The following APOL4 variants were observed in gnomAD, a reference collection of about 807,000 sequenced individuals.
APOL4 encodes the protein apolipoprotein L, 4.
APOL4 carries 14 observed loss-of-function variants against 12.1 expected under a neutral mutation model. The ratio of observed to expected loss-of-function variants is 1.16; its 90% CI spans 0.76 to 1.81. APOL4 has a LOEUF of 1.81. Among genes scored for constraint, APOL4 ranks in the 40% most tolerant of loss-of-function variants. The pLI is 0.00. For missense variants in APOL4, 432 were observed against 423.1 expected (o/e 1.02, Z -0.18); for synonymous variants, 171 against 160.6 (o/e 1.06, Z -0.49).
chr22:36,197,812 G>T (rs1199813159), intron 2 of APOL4: 6 of 1,549,480 alleles, frequency 3.9e-6, no homozygotes, highest in South Asian at 1.2e-5. Context: ...GACAGGGGGA[G>T]GGGATGGGCC....
chr22:36,203,633 C>A (rs1024747579), upstream of APOL4, among the ~76,000 whole-genome samples: 5 of 152,136 alleles, frequency 3.3e-5, no homozygotes, highest in African/African-American at 9.7e-5. Context: ...GCTAGATAAC[C>A]GGTTAGACTA....
At position 36,195,512 on chromosome 22, in the gene APOL4, C is replaced by T. The variant is rs752886330; in HGVS notation, c.83-75G>A. On this transcript the variant is annotated intron_variant, in intron 2 of 3. Coordinates refer to ENST00000683024, the MANE Select transcript of APOL4 (RefSeq NM_001386885.1). ...AAATGGCATTGAGTATAAGGTGGTTCGGTGTTAATCCTCCTGAACCAGCTG... is the reference window on the plus strand; with the variant it reads ...AAATGGCATTGAGTATAAGGTGGTTTGGTGTTAATCCTCCTGAACCAGCTG... 91 of 1,527,354 alleles carry T rather than the reference C, an allele frequency of 6.0e-5. No homozygotes were observed. In the African/African-American group the frequency reaches 8.7e-4, roughly 15 times the overall value. 94.6% of individuals were successfully genotyped at this position (1,527,354 alleles called of 1,614,324 possible).
rs1378984372 is a variant in APOL4, at chr22:36,191,076, T to C, written c.1046A>G (p.Ter349TrpextTer33). 6.3e-7 allele frequency: 1 copy of C among 1,593,308 alleles called. No individual in the cohort carries two copies. Among genetic ancestry groups the C allele is most frequent in the South Asian group, 1.1e-5 (1 of 88,230 alleles). Reference protein sequence around the residue: ...THIHQSLKAG* With the variant: ...THIHQSLKAGW ...CCTGACTTCCCGCAACAATTGGGCC[T>C]AGCCTGCTTTTAGACTCTGATGGAT... The change falls in exon 4 of 4, where the codon TAG (stop) becomes TGG (tryptophan). Residue 349 changes from the stop codon to tryptophan, a stop_lost. Coordinates refer to ENST00000683024, the MANE Select transcript of APOL4 (RefSeq NM_001386885.1).
At chr22:36,198,448 CCTT>C (rs1195965793) in intron 2 of APOL4, among the ~76,000 whole-genome samples, 6 of 152,254 alleles carry the variant, frequency 3.9e-5, no homozygotes, top group South Asian at 2.1e-4. Context: ...TTTATGAACT[CCTT>C]CTTATTCAGA....
intron 1 of APOL4, chr22:36,199,642 G>A (rs1368589895): frequency 1.3e-6 from 2 of 1,551,636 alleles, no homozygotes; most frequent in Non-Finnish European, 1.7e-6. Context: ...AATCAGAGGA[G>A]GGGCAGCCAT....
chr22:36,199,249 C>T, intron 2 of APOL4, 81 bp downstream of exon 2: 1 of 1,575,754 alleles, frequency 6.3e-7, no homozygotes, highest in Non-Finnish European at 8.7e-7. Flanking sequence ...GAAGACACCA[C>T]CCTCCATTCT....
chr22:36,195,565 C>A (rs534254875), intron 2 of APOL4, 128 bp from the exon 3 acceptor site: 44 of 1,052,006 alleles, frequency 4.2e-5, no homozygotes, highest in Admixed American at 3.4e-4. Context: ...GATGGAGGCA[C>A]CAGTGCTATA....
rs77639244 is a variant in APOL4 at position 36,195,429 on chromosome 22, G to A, written c.91C>T (p.Arg31Cys). 9,925 of 1,611,860 alleles carry A rather than the reference G, an allele frequency of 6.2e-3. 432 individuals are homozygous for A. In the African/African-American group the frequency reaches 0.1, roughly 17 times the overall value. Residue 31 changes from arginine to cysteine, a missense_variant, in exon 3 of 4, where the codon CGC (arginine) becomes TGC (cysteine). Physicochemically the swap from Arg to Cys is radical, Grantham distance 180. Coordinates refer to ENST00000683024, the MANE Select transcript of APOL4 (RefSeq NM_001386885.1). ...TATTCAATGACTTCTTCAGTGAAGC[G>A]TTTCTTTTCTAGTTGGAAACAAAAA... ...TVAGQFQEKKRFTEEVIEYFQ... is the reference protein window; with the variant it reads ...TVAGQFQEKKCFTEEVIEYFQ...
At chr22:36,199,284 G>C (rs2014499807) in intron 2 of APOL4, 46 bp downstream of exon 2, 1 of 1,611,900 alleles carries the variant, frequency 6.2e-7, no homozygotes. Flanking sequence ...ACCAGCCAGG[G>C]AAGAGGAGGC....
chr22:36,199,928 C>T (rs1034817678), intron 1 of APOL4, among the ~76,000 whole-genome samples: 4 of 152,224 alleles, frequency 2.6e-5, no homozygotes, highest in Non-Finnish European at 5.9e-5. Flanking sequence ...TTGCCTCAGC[C>T]TCTCGAGTAG....
chr22:36,194,561 T>C (rs2014349931), intron 3 of APOL4, among the ~76,000 whole-genome samples: 1 of 152,190 alleles, frequency 6.6e-6, no homozygotes, highest in South Asian at 2.1e-4. Context: ...ACCTTTGACC[T>C]GGAGTTCATT....
At chr22:36,197,773 C>T (rs779347726) in intron 2 of APOL4, 8 of 1,550,462 alleles carry the variant, frequency 5.2e-6, no homozygotes, top group Middle Eastern at 1.7e-4. Flanking sequence ...ATAATGGACA[C>T]AGAAGGAGCT....
upstream of APOL4, chr22:36,201,835 G>A (rs132735): frequency 1.8e-5 from 28 of 1,570,724 alleles, no homozygotes; most frequent in African/African-American, 2.7e-5. Context: ...GACACAGTGC[G>A]TCCCCTCTAG....
intron 2 of APOL4, among the ~76,000 whole-genome samples, chr22:36,196,223 G>T (rs1012248123): frequency 6.6e-6 from 1 of 151,960 alleles, no homozygotes; most frequent in African/African-American, 2.4e-5. Flanking sequence ...ATAGTTCATT[G>T]TGTCAAGAGC....
upstream of APOL4, among the ~76,000 whole-genome samples, chr22:36,202,312 TG>T (rs2014607503): frequency 6.6e-6 from 1 of 152,200 alleles, no homozygotes; most frequent in African/African-American, 2.4e-5. Flanking sequence ...GCATCTCCTG[TG>T]TTTCTCAGGC....
upstream of APOL4, chr22:36,201,998 G>A: frequency 6.2e-7 from 1 of 1,614,120 alleles, no homozygotes; most frequent in Non-Finnish European, 8.5e-7. Flanking sequence ...CTCACCAGAT[G>A]CAGACGACAA....
Position 36,191,108 on chromosome 22 carries a change from G to A in APOL4, c.1014C>T (p.Leu338=), listed in dbSNP as rs760044953. The change falls in exon 4 of 4, where the codon CTC becomes CTT. Residue 338 remains leucine (L), a synonymous_variant. Coordinates refer to ENST00000683024, the MANE Select transcript of APOL4 (RefSeq NM_001386885.1). Reference sequence around the variant, plus strand: ...CTTTTAGACTCTGATGGATATGGGTGAGCTCATTGAGATTCTCCTCCAGCT... The same window carrying A: ...CTTTTAGACTCTGATGGATATGGGTAAGCTCATTGAGATTCTCCTCCAGCT... ...AQELEENLNE[L]THIHQSLKAG 1.2e-5 allele frequency: 20 copies of A among 1,608,116 alleles called. No homozygotes were observed. Among genetic ancestry groups the A allele is most frequent in the Non-Finnish European group, 1.7e-5 (20 of 1,177,110 alleles).
chr22:36,196,871 C>A (rs1342696932), intron 2 of APOL4, among the ~76,000 whole-genome samples: 1 of 152,204 alleles, frequency 6.6e-6, no homozygotes, highest in Non-Finnish European at 1.5e-5. Flanking sequence ...TTTCTGCATT[C>A]TCCCCTGTAG....
intron 2 of APOL4, 36 bp from the exon 3 acceptor site, chr22:36,195,473 G>T (rs2014378132): frequency 6.2e-7 from 1 of 1,605,274 alleles, no homozygotes; most frequent in East Asian, 2.2e-5. Context: ...TTGGAAGAAA[G>T]TTTGCTACCA....
Sources: gnomAD v4.1 joint callset for allele counts (sites outside exome capture counted in the v4.1 genomes callset) on GRCh38, gnomAD v4.1.1 for gene constraint, MANE v1.5 for transcripts, NCBI Gene and HGNC (gene_info 2026-07-23, HGNC 2026-07-21) for gene names.